The following BTRC variants were observed in gnomAD, a reference collection of about 807,000 sequenced individuals.
BTRC encodes beta-transducin repeat containing E3 ubiquitin protein ligase.
A neutral mutation model predicts 85.5 loss-of-function variants in BTRC; 42 were observed. The observed-to-expected ratio is 0.49, with a 90% confidence interval of 0.38 to 0.64. The LOEUF is 0.64. Ranked by LOEUF, BTRC falls within the 30% of genes least tolerant of loss-of-function variation. BTRC has a pLI of 0.00. For synonymous variants in BTRC, 255 were observed against 263.3 expected (o/e 0.97, Z 0.30); for missense variants, 594 against 743.5 (o/e 0.80, Z 2.34).
chr10:101,368,817 G>A (rs533430596), intron 1 of BTRC, among the ~76,000 whole-genome samples: 35 of 152,148 alleles, frequency 2.3e-4, no homozygotes, highest in African/African-American at 7.7e-4. Context: ...CCAGGAGTTC[G>A]AGTCTAGCCT....
Position 101,369,211 on chromosome 10 carries a change from G to A in BTRC, c.48+14983G>A, listed in dbSNP as rs999465866. ...TCTTGGCCTTTTTTCCCCTATTGGAGTATTATTATTTTTTTTTTTTTAAAG... is the reference window on the plus strand; with the variant it reads ...TCTTGGCCTTTTTTCCCCTATTGGAATATTATTATTTTTTTTTTTTTAAAG... On this transcript the variant is annotated intron_variant, in intron 1 of 14. Transcript: ENST00000370187. Among the ~76,000 whole-genome samples the A allele has an allele frequency of 4.0e-5, 6 of 151,590 alleles. No homozygotes were observed. The South Asian group carries it at 1.0e-3, about 26-fold the overall frequency.
At chr10:101,547,137 T>A (rs2134465678) in intron 13 of BTRC, among the ~76,000 whole-genome samples, 1 of 152,232 alleles carries the variant, frequency 6.6e-6, no homozygotes, top group East Asian at 1.9e-4. Context: ...CAGCTTAGGA[T>A]AGTTTCATTT....
chr10:101,507,343 A>G (rs927170038), intron 4 of BTRC, among the ~76,000 whole-genome samples: 1 of 152,186 alleles, frequency 6.6e-6, no homozygotes, highest in East Asian at 1.9e-4. Flanking sequence ...TTCTCCTATT[A>G]TATTTATCTT....
rs556268806 is a variant in BTRC at position 101,448,642 on chromosome 10, A to G, written c.157-13339A>G. ...TATTTGCTGTTTTCTGTTTAAAAAC[A>G]TATTTTCTCTCATTCTAGTTTTTTC... On this transcript the variant is annotated intron_variant, in intron 2 of 14. Coordinates refer to ENST00000370187, the MANE Select transcript of BTRC (RefSeq NM_033637.4). 4.6e-5 allele frequency among the ~76,000 whole-genome samples: 7 copies of G among 152,218 alleles called. No homozygotes were observed. In the East Asian group the frequency reaches 1.3e-3, roughly 29 times the overall value.
At chr10:101,478,207 G>A (rs999372090) in intron 3 of BTRC, among the ~76,000 whole-genome samples, 4 of 151,716 alleles carry the variant, frequency 2.6e-5, no homozygotes, top group South Asian at 2.1e-4. Flanking sequence ...AGACTCAGGT[G>A]GGAGAATCAC....
At chr10:101,525,675 A>G (rs1589596938) in intron 5 of BTRC, among the ~76,000 whole-genome samples, 1 of 152,222 alleles carries the variant, frequency 6.6e-6, no homozygotes, top group South Asian at 2.1e-4. Flanking sequence ...GATGCCATCC[A>G]TAGAACATCC....
intron 1 of BTRC, among the ~76,000 whole-genome samples, chr10:101,397,508 G>T (rs925266402): frequency 3.3e-5 from 5 of 152,252 alleles, no homozygotes; most frequent in African/African-American, 1.2e-4. Flanking sequence ...TTCTAATTGT[G>T]TTTCAACTCA....
chr10:101,393,628 CAAAACA>C lies in BTRC; in HGVS notation c.49-36703_49-36698del, dbSNP rs1943291579. On this transcript the variant is annotated intron_variant, in intron 1 of 14. Transcript: ENST00000370187. ...TCTTGGGGTTAGGGTTGAAGTTAGACAAAACAAAAACAAAAACAACCCACATTTGGT... is the reference window on the plus strand; with the variant it reads ...TCTTGGGGTTAGGGTTGAAGTTAGACAAAACAAAAACAACCCACATTTGGT... Among the ~76,000 whole-genome samples, 4 of 152,168 alleles carry C rather than the reference CAAAACA, an allele frequency of 2.6e-5. No individual in the cohort carries two copies. In the South Asian group the frequency reaches 8.3e-4, roughly 32 times the overall value.
chr10:101,403,156 C>T (rs532641350), intron 1 of BTRC, among the ~76,000 whole-genome samples: 2 of 152,310 alleles, frequency 1.3e-5, no homozygotes, highest in South Asian at 2.1e-4. Context: ...GGTGTCTTCT[C>T]TGGGGACGAT....
At chr10:101,371,980 A>G (rs1387373352) in intron 1 of BTRC, among the ~76,000 whole-genome samples, 2 of 151,994 alleles carry the variant, frequency 1.3e-5, no homozygotes, top group Admixed American at 6.6e-5. Flanking sequence ...TTTTCTTTCT[A>G]TAGCCAGCTT....
At chr10:101,429,718 A>G (rs544390944) in intron 1 of BTRC, among the ~76,000 whole-genome samples, 2 of 112,114 alleles carry the variant, frequency 1.8e-5, no homozygotes, top group South Asian at 3.3e-4. Context: ...ACCCCAATCC[A>G]TCTGGAAAGA....
chr10:101,470,367 G>A (rs1433764463), intron 3 of BTRC, among the ~76,000 whole-genome samples: 4 of 123,262 alleles, frequency 3.2e-5, no homozygotes, highest in African/African-American at 1.3e-4. Flanking sequence ...GAGTCTCGCT[G>A]TGTCGCCCAG....
chr10:101,462,019 C>G lies in BTRC; in HGVS notation c.195C>G (p.Pro65=). ...GAGAAGACTGTAATAATGGCGAACCCCCTAGGAAGATAATACCAGAGAAGA... is the reference window on the plus strand; with the variant it reads ...GAGAAGACTGTAATAATGGCGAACCGCCTAGGAAGATAATACCAGAGAAGA... The part of the protein sequence containing the change: ...SEREDCNNGE[P]PRKIIPEKNS... The change falls in exon 3 of 15, where the codon CCC becomes CCG. Residue 65 remains proline (P), a synonymous_variant. Transcript: ENST00000370187. 1 of 1,612,170 alleles carries G rather than the reference C, an allele frequency of 6.2e-7. No individual in the cohort carries two copies. The highest frequency in any genetic ancestry group is 1.7e-4 in the Middle Eastern group (1 of 6,050).
At chr10:101,445,521 T>G (rs930714822) in intron 2 of BTRC, among the ~76,000 whole-genome samples, 1 of 152,176 alleles carries the variant, frequency 6.6e-6, no homozygotes, top group Non-Finnish European at 1.5e-5. Flanking sequence ...TGGAGACAGT[T>G]CACTTCACCC....
chr10:101,459,737 A>T (rs1945173075), intron 2 of BTRC, among the ~76,000 whole-genome samples: 1 of 152,156 alleles, frequency 6.6e-6, no homozygotes. Flanking sequence ...TTGTGTTTTC[A>T]TTCTTTAGAC....
chr10:101,447,744 AAC>A, intron 2 of BTRC, among the ~76,000 whole-genome samples: 1 of 152,286 alleles, frequency 6.6e-6, no homozygotes, highest in Non-Finnish European at 1.5e-5. Flanking sequence ...GATAGCTAAT[AAC>A]AGATTTTAAA....
At chr10:101,390,353 TCCGAGACGGAG>T (rs1564743599) in intron 1 of BTRC, among the ~76,000 whole-genome samples, 1 of 142,670 alleles carries the variant, frequency 7.0e-6, no homozygotes, top group Non-Finnish European at 1.5e-5. Flanking sequence ...TTTTTTTTTT[TCCGAGACGGAG>T]TCTCGCTTTG....
intron 1 of BTRC, among the ~76,000 whole-genome samples, chr10:101,365,698 T>C (rs1428792552): frequency 1.3e-5 from 2 of 151,814 alleles, no homozygotes; most frequent in African/African-American, 2.4e-5. Flanking sequence ...GCTGGTCTTA[T>C]ACTCCTGAAC....
At chr10:101,530,579 A>G (rs2062265000) in intron 6 of BTRC, among the ~76,000 whole-genome samples, 1 of 152,164 alleles carries the variant, frequency 6.6e-6, no homozygotes, top group Admixed American at 6.5e-5. Context: ...AGATGAGGCC[A>G]GTGAATCTAA....
Sources: gnomAD v4.1 joint callset for allele counts (sites outside exome capture counted in the v4.1 genomes callset) on GRCh38, gnomAD v4.1.1 for gene constraint, MANE v1.5 for transcripts, NCBI Gene and HGNC (gene_info 2026-07-23, HGNC 2026-07-21) for gene names.